Variants in GALNTL6 observed in about 807,000 individuals in gnomAD.
The protein encoded by GALNTL6 is polypeptide N-acetylgalactosaminyltransferase like 6, also known as polypeptide N-acetylgalactosaminyltransferase-like 6.
A neutral mutation model predicts 73.7 loss-of-function variants in GALNTL6; 46 were observed. That is an observed-to-expected ratio of 0.62 (90% CI 0.49 to 0.80). The LOEUF (loss-of-function observed/expected upper bound fraction) is 0.80. Ranked by LOEUF, GALNTL6 falls within the 30% of genes least tolerant of loss-of-function variation. The probability of loss-of-function intolerance (pLI) is 0.00; values close to 1 mark genes in which losing one functional copy is unlikely to be tolerated. For missense variants in GALNTL6, 604 were observed against 755.0 expected (o/e 0.80, Z 2.34); for synonymous variants, 259 against 263.7 (o/e 0.98, Z 0.17).
chr4:172,339,620 GA>G (rs1741490009), intron 4 of GALNTL6, among the ~76,000 whole-genome samples: 1 of 152,128 alleles, frequency 6.6e-6, no homozygotes, highest in South Asian at 2.1e-4. Flanking sequence ...TCCAGTCGGG[GA>G]AAATGCTGCA....
At chr4:171,885,172 A>G (rs1317541419) in intron 2 of GALNTL6, among the ~76,000 whole-genome samples, 5 of 152,136 alleles carry the variant, frequency 3.3e-5, no homozygotes, top group Non-Finnish European at 5.9e-5. Context: ...AAGTCTCCTA[A>G]CCAAAGATTG....
intron 7 of GALNTL6, among the ~76,000 whole-genome samples, chr4:172,817,913 A>T (rs1178835454): frequency 6.6e-6 from 1 of 152,204 alleles, no homozygotes; most frequent in Non-Finnish European, 1.5e-5. Flanking sequence ...CCTACTTGAG[A>T]TACGAGGAAT....
intron 8 of GALNTL6, among the ~76,000 whole-genome samples, chr4:172,905,812 CAAAAAAAA>C (rs397996287): frequency 0.058 from 4,055 of 69,948 alleles, 241 homozygotes; most frequent in African/African-American, 0.2. Flanking sequence ...AGAGATCACT[CAAAAAAAA>C]AAAAAAAAAA....
At chr4:172,356,871 G>A (rs765159729) in intron 5 of GALNTL6, among the ~76,000 whole-genome samples, 7 of 151,976 alleles carry the variant, frequency 4.6e-5, no homozygotes, top group Non-Finnish European at 7.4e-5. Flanking sequence ...TCCTTTCTTT[G>A]TAGTTTTCTC....
At chr4:172,460,291 A>G (rs750266628) in intron 5 of GALNTL6, among the ~76,000 whole-genome samples, 7 of 152,190 alleles carry the variant, frequency 4.6e-5, no homozygotes, top group South Asian at 2.1e-4. Flanking sequence ...AGGCAATACC[A>G]TTTAGGACAT....
chr4:172,897,357 G>T (rs1746383159), intron 8 of GALNTL6, among the ~76,000 whole-genome samples: 1 of 152,236 alleles, frequency 6.6e-6, no homozygotes, highest in African/African-American at 2.4e-5. Context: ...CAGGCTGCAA[G>T]ATATGGGCAA....
At chr4:171,819,258 T>C (rs1734620730) in intron 2 of GALNTL6, among the ~76,000 whole-genome samples, 1 of 152,080 alleles carries the variant, frequency 6.6e-6, no homozygotes, top group African/African-American at 2.4e-5. Context: ...GCATTCAGAA[T>C]CACTACAGGG....
At chr4:172,489,371 G>A (rs1005589962) in intron 5 of GALNTL6, among the ~76,000 whole-genome samples, 12 of 152,160 alleles carry the variant, frequency 7.9e-5, no homozygotes, top group East Asian at 3.9e-4. Flanking sequence ...ATAAGCTTTC[G>A]AACTTTAGAA....
At chr4:172,751,116 A>G (rs1032754138) in intron 5 of GALNTL6, among the ~76,000 whole-genome samples, 6 of 152,228 alleles carry the variant, frequency 3.9e-5, no homozygotes, top group Admixed American at 3.9e-4. Context: ...ACCTGATTCT[A>G]TACTGGGATT....
intron 5 of GALNTL6, among the ~76,000 whole-genome samples, chr4:172,640,355 A>G (rs1739915581): frequency 6.6e-6 from 1 of 152,090 alleles, no homozygotes; most frequent in Non-Finnish European, 1.5e-5. Context: ...AAGCCTTCAT[A>G]TGTTGAAGTG....
At chr4:172,094,155 C>A (rs1241425539) in intron 2 of GALNTL6, among the ~76,000 whole-genome samples, 1 of 151,986 alleles carries the variant, frequency 6.6e-6, no homozygotes, top group Non-Finnish European at 1.5e-5. Context: ...TTATGTAAAA[C>A]AATTTTTCAG....
chr4:172,814,718 AAC>A (rs1353195843), intron 7 of GALNTL6, among the ~76,000 whole-genome samples: 1 of 152,178 alleles, frequency 6.6e-6, no homozygotes, highest in Non-Finnish European at 1.5e-5. Flanking sequence ...CCTTGACACT[AAC>A]AGTTTAAATT....
At chr4:171,860,239 A>G (rs1162960658) in intron 2 of GALNTL6, among the ~76,000 whole-genome samples, 2 of 152,224 alleles carry the variant, frequency 1.3e-5, no homozygotes, top group East Asian at 3.8e-4. Context: ...GAGGAACATA[A>G]AATCAGAAAA....
At chr4:172,498,433 T>C (rs1029691699) in intron 5 of GALNTL6, among the ~76,000 whole-genome samples, 1 of 152,204 alleles carries the variant, frequency 6.6e-6, no homozygotes, top group Non-Finnish European at 1.5e-5. Context: ...TACTCTATAG[T>C]ATAAATTTTT....
At chr4:172,957,207 T>C (rs554481970) in intron 10 of GALNTL6, among the ~76,000 whole-genome samples, 2 of 152,250 alleles carry the variant, frequency 1.3e-5, no homozygotes, top group Admixed American at 1.3e-4. Context: ...AGTAGTAGAA[T>C]AGCGGATGGA....
chr4:172,181,718 T>C (rs1469595158), intron 2 of GALNTL6, among the ~76,000 whole-genome samples: 14 of 133,150 alleles, frequency 1.1e-4, no homozygotes, highest in African/African-American at 4.2e-4. Context: ...CCAAATCTTC[T>C]TTTTTTTTTT....
intron 2 of GALNTL6, among the ~76,000 whole-genome samples, chr4:171,905,595 G>C (rs1029709061): frequency 5.3e-5 from 8 of 150,030 alleles, no homozygotes; most frequent in African/African-American, 2.0e-4. Context: ...GAGACAGAAA[G>C]TCAACAAGGA....
intron 5 of GALNTL6, among the ~76,000 whole-genome samples, chr4:172,567,703 G>A (rs984905832): frequency 6.6e-6 from 1 of 152,210 alleles, no homozygotes; most frequent in South Asian, 2.1e-4. Context: ...GGGCATGGTA[G>A]CAGGTGCCTG....
chr4:172,425,228 G>A (rs1731186037), intron 5 of GALNTL6: 1 of 152,004 alleles, frequency 6.6e-6, no homozygotes, highest in Non-Finnish European at 1.5e-5. Flanking sequence ...ATACGCTATG[G>A]CACAAATCAC....
Sources: gnomAD v4.1 joint callset for allele counts (sites outside exome capture counted in the v4.1 genomes callset) on GRCh38, gnomAD v4.1.1 for gene constraint, MANE v1.5 for transcripts, NCBI Gene and HGNC (gene_info 2026-07-23, HGNC 2026-07-21) for gene names.